Variants in PRIM2 observed in about 807,000 individuals in gnomAD.
PRIM2 encodes the protein DNA primase subunit 2, also known as DNA primase large subunit.
In PRIM2, 39 loss-of-function variants were observed where a neutral mutation model predicts 67.3. The ratio of observed to expected loss-of-function variants is 0.58; its 90% CI spans 0.45 to 0.76. The LOEUF is 0.76. Among genes scored for constraint, PRIM2 ranks in the 30% least tolerant of loss-of-function variants. The pLI, the probability that PRIM2 is intolerant of heterozygous loss-of-function variation, is 0.00. For synonymous variants in PRIM2, 143 were observed against 198.7 expected (o/e 0.72, Z 2.36); for missense variants, 398 against 598.7 (o/e 0.66, Z 3.50).
intron 5 of PRIM2, among the ~76,000 whole-genome samples, chr6:57,349,048 T>C (rs1768773759): frequency 6.6e-6 from 1 of 152,094 alleles, no homozygotes; most frequent in Admixed American, 6.6e-5. Flanking sequence ...CCTGGCCTCC[T>C]TTTTGACTTT....
At chr6:57,461,936 T>C (rs1773020219) in intron 7 of PRIM2, among the ~76,000 whole-genome samples, 1 of 152,242 alleles carries the variant, frequency 6.6e-6, no homozygotes, top group African/African-American at 2.4e-5. Context: ...TGGAGTTAGA[T>C]ACCTTTGCCT....
chr6:57,550,868 A>G (rs1294625079), intron 10 of PRIM2, among the ~76,000 whole-genome samples: 115 of 152,302 alleles, frequency 7.6e-4, no homozygotes, highest in African/African-American at 2.6e-3. Context: ...GGGTACGTAT[A>G]AGCTCCAAAA....
chr6:57,370,816 A>T (rs1334290761), intron 5 of PRIM2, among the ~76,000 whole-genome samples: 1 of 150,282 alleles, frequency 6.7e-6, no homozygotes, highest in Non-Finnish European at 1.5e-5. Context: ...TTCCTGCCTC[A>T]GCCTCCTGAG....
chr6:57,295,359 T>C, the PRIM2 span, among the ~76,000 whole-genome samples: 9,472 of 152,128 alleles, frequency 0.062, 307 homozygotes, highest in Non-Finnish European at 0.078. Flanking sequence ...AAAAAAAATT[T>C]GATTGGGAAT....
At chr6:57,479,903 G>T (rs1773573226) in intron 7 of PRIM2, among the ~76,000 whole-genome samples, 1 of 152,224 alleles carries the variant, frequency 6.6e-6, no homozygotes, top group Admixed American at 6.5e-5. Flanking sequence ...ATGGTATCAG[G>T]CAGAATACGA....
chr6:57,279,092 A>AG, the PRIM2 span, among the ~76,000 whole-genome samples: 1 of 152,188 alleles, frequency 6.6e-6, no homozygotes, highest in Admixed American at 6.5e-5. Context: ...TCCTACCCAA[A>AG]GGGGTGAAAT....
At chr6:57,433,346 G>A (rs946885535) in intron 7 of PRIM2, among the ~76,000 whole-genome samples, 5 of 151,518 alleles carry the variant, frequency 3.3e-5, no homozygotes, top group African/African-American at 7.3e-5. Context: ...CCATTAACGC[G>A]TCATTTAGTA....
At chr6:57,418,458 A>G (rs1365018952) in intron 7 of PRIM2, among the ~76,000 whole-genome samples, 2 of 125,246 alleles carry the variant, frequency 1.6e-5, no homozygotes, top group African/African-American at 6.2e-5. Flanking sequence ...GTGCAGTGGC[A>G]TAATCTCGGC....
At chr6:57,573,896 G>C (rs1775913194) in intron 10 of PRIM2, among the ~76,000 whole-genome samples, 1 of 152,040 alleles carries the variant, frequency 6.6e-6, no homozygotes, top group South Asian at 2.1e-4. Context: ...GGACTTTTGA[G>C]TTTACCTATC....
At chr6:57,345,115 G>T (rs889265715) in intron 5 of PRIM2, among the ~76,000 whole-genome samples, 10 of 149,036 alleles carry the variant, frequency 6.7e-5, no homozygotes, top group Non-Finnish European at 1.3e-4. Context: ...CCCACACAGA[G>T]CTATGTCCTA....
At chr6:57,471,833 A>C (rs1773343354) in intron 7 of PRIM2, among the ~76,000 whole-genome samples, 1 of 152,234 alleles carries the variant, frequency 6.6e-6, no homozygotes, top group Non-Finnish European at 1.5e-5. Flanking sequence ...TGTAGCAATA[A>C]CAGTTTATTA....
intron 7 of PRIM2, among the ~76,000 whole-genome samples, chr6:57,427,132 A>G (rs1771659392): frequency 1.3e-5 from 2 of 152,204 alleles, no homozygotes; most frequent in African/African-American, 4.8e-5. Flanking sequence ...GAAATTGGCA[A>G]AAACTGTAAA....
chr6:57,431,978 C>A (rs1771845990), intron 7 of PRIM2, among the ~76,000 whole-genome samples: 1 of 152,132 alleles, frequency 6.6e-6, no homozygotes, highest in African/African-American at 2.4e-5. Flanking sequence ...TAGATCACTG[C>A]AACATTTGGG....
intron 7 of PRIM2, among the ~76,000 whole-genome samples, chr6:57,474,993 A>G (rs1329824128): frequency 1.3e-5 from 2 of 152,132 alleles, no homozygotes; most frequent in African/African-American, 2.4e-5. Flanking sequence ...GCATTAGGCA[A>G]TCGGCTGCTC....
intron 7 of PRIM2, among the ~76,000 whole-genome samples, chr6:57,472,675 G>T (rs1481673857): frequency 2.6e-5 from 4 of 152,136 alleles, no homozygotes; most frequent in Non-Finnish European, 5.9e-5. Flanking sequence ...AATTTAATCA[G>T]CATGAAATCT....
intron 13 of PRIM2, among the ~76,000 whole-genome samples, chr6:57,636,001 C>A (rs1448730695): frequency 7.9e-5 from 12 of 152,200 alleles, no homozygotes; most frequent in African/African-American, 2.9e-4. Flanking sequence ...CACCCACCTT[C>A]CTCTAGACTC....
chr6:57,529,620 A>T (rs1290440769), intron 8 of PRIM2, among the ~76,000 whole-genome samples: 2 of 152,238 alleles, frequency 1.3e-5, no homozygotes, highest in East Asian at 3.9e-4. Context: ...CAAGGGAAAG[A>T]TAATTCAAGG....
intron 7 of PRIM2, chr6:57,497,454 T>C (rs1288875146): frequency 6.6e-6 from 1 of 152,198 alleles, no homozygotes; most frequent in Non-Finnish European, 1.5e-5. Flanking sequence ...TTTCACACCA[T>C]AGGTTTCATG....
chr6:57,424,715 G>C (rs1771565021), intron 7 of PRIM2, among the ~76,000 whole-genome samples: 1 of 152,140 alleles, frequency 6.6e-6, no homozygotes, highest in Admixed American at 6.5e-5. Flanking sequence ...CATTGAGTTG[G>C]ATAATTTAAA....
Sources: gnomAD v4.1 joint callset for allele counts (sites outside exome capture counted in the v4.1 genomes callset) on GRCh38, gnomAD v4.1.1 for gene constraint, MANE v1.5 for transcripts, NCBI Gene and HGNC (gene_info 2026-07-23, HGNC 2026-07-21) for gene names.